ERCC6: variants seen among roughly 807,000 people sequenced by gnomAD.
ERCC6 encodes the protein DNA excision repair protein ERCC-6.
In ERCC6, 116 loss-of-function variants were observed where a neutral mutation model predicts 158.7. That is an observed-to-expected ratio of 0.73 (90% CI 0.63 to 0.85). The LOEUF (loss-of-function observed/expected upper bound fraction) is 0.85, where lower values mean the gene tolerates loss of function less well. ERCC6 is among the 40% of genes least tolerant of loss of function. The pLI, the probability that ERCC6 is intolerant of heterozygous loss-of-function variation, is 0.00. For synonymous variants in ERCC6, 678 were observed against 659.3 expected (o/e 1.03, Z -0.43); for missense variants, 1,698 against 1,799.4 (o/e 0.94, Z 1.02).
chr10:49,539,193 G>T (rs1490230457), upstream of ERCC6, among the ~76,000 whole-genome samples: 1 of 152,270 alleles, frequency 6.6e-6, no homozygotes. Context: ...GGGCTCAGCA[G>T]CGCCTTTCTA....
chr10:49,470,158 T>C, intron 18 of ERCC6, 24 bp downstream of exon 18: 6 of 1,607,178 alleles, frequency 3.7e-6, no homozygotes, highest in Non-Finnish European at 5.1e-6. Context: ...AGCATCCCTG[T>C]GGCAAACGTA....
intron 3 of ERCC6, among the ~76,000 whole-genome samples, chr10:49,530,302 G>C (rs1188865887): frequency 6.6e-6 from 1 of 152,178 alleles, no homozygotes; most frequent in African/African-American, 2.4e-5. Flanking sequence ...TTTGTGATGG[G>C]TTTATCAGGG....
Position 49,473,595 on chromosome 10 carries a change from G to T in ERCC6, c.2599-8C>A. 6.6e-7 allele frequency: 1 copy of T among 1,525,100 alleles called. No individual in the cohort carries two copies. Among genetic ancestry groups the T allele is most frequent in the Non-Finnish European group, 9.1e-7 (1 of 1,098,736 alleles). 94.5% of individuals were successfully genotyped at this position (1,525,100 alleles called of 1,614,324 possible). On this transcript the variant is annotated splice_polypyrimidine_tract_variant and splice_region_variant and intron_variant, in intron 13 of 20. Transcript: ENST00000355832. ...TTCAAGTATGTCCAGCATCTGTTTG[G>T]AGGTGGGGGATAGGAGTTTGCAAAG...
At chr10:49,453,770 G>GTT (rs59726219), downstream of ERCC6, among the ~76,000 whole-genome samples, 561 of 151,944 alleles carry the variant, frequency 3.7e-3, 3 homozygotes, top group African/African-American at 0.013. Context: ...TTGGTTGACA[G>GTT]TTTTTTTTTC....
At chr10:49,535,767 G>A (rs545430255) in intron 1 of ERCC6, among the ~76,000 whole-genome samples, 7 of 152,296 alleles carry the variant, frequency 4.6e-5, no homozygotes, top group East Asian at 3.9e-4. Context: ...GAGGAAGAGC[G>A]TCCAGTGAAT....
chr10:49,460,325 C>G, intron 20 of ERCC6, 48 bp downstream of exon 20: 1 of 1,321,618 alleles, frequency 7.6e-7, no homozygotes, highest in South Asian at 1.2e-5. Flanking sequence ...TCACAGCATT[C>G]AATCAAGCAA....
At chr10:49,515,799 T>C (rs1191794706) in intron 5 of ERCC6, 3 of 1,614,206 alleles carry the variant, frequency 1.9e-6, no homozygotes, top group Non-Finnish European at 2.5e-6. Flanking sequence ...TTTCAGTTTC[T>C]GGGAGTAACG....
At position 49,500,553 on chromosome 10, in the gene ERCC6, C is replaced by G; in HGVS notation, c.1670G>C (p.Arg557Pro). The G allele has an allele frequency of 6.2e-7, 1 of 1,613,904 alleles. No homozygotes were observed. The highest frequency in any genetic ancestry group is 8.5e-7 in the Non-Finnish European group (1 of 1,179,872). ...GAGCACTTGCCTGTAATTTGAACCA[C>G]GAGTCCTGATCTTGCTGTAGCTCAG... ...AGLSYSKIRT[R>P]GSNYRFEGLG... Residue 557 changes from arginine to proline, a missense_variant, in exon 7 of 21, where the codon CGT (arginine) becomes CCT (proline). Transcript: ENST00000355832.
At chr10:49,526,159 A>ATATC (rs1837334517) in intron 4 of ERCC6, among the ~76,000 whole-genome samples, 4 of 123,792 alleles carry the variant, frequency 3.2e-5, no homozygotes, top group African/African-American at 6.5e-5. Flanking sequence ...ATATATATAT[A>ATATC]TATCTGGGTA....
intron 1 of ERCC6, among the ~76,000 whole-genome samples, chr10:49,534,386 C>G (rs1564448138): frequency 6.6e-6 from 1 of 152,202 alleles, no homozygotes; most frequent in Admixed American, 6.5e-5. Flanking sequence ...TTCCAGAGAA[C>G]TAGTCACACA....
intron 4 of ERCC6, 175 bp from the exon 5 acceptor site, chr10:49,524,952 T>C (rs1837277291): frequency 2.8e-6 from 4 of 1,439,114 alleles, no homozygotes; most frequent in Non-Finnish European, 9.2e-7. Flanking sequence ...TATAGCATCA[T>C]GCTATATTTA....
chr10:49,438,488 C>G, the ERCC6 span, among the ~76,000 whole-genome samples: 1 of 152,102 alleles, frequency 6.6e-6, no homozygotes, highest in Non-Finnish European at 1.5e-5. Flanking sequence ...TCAATTACTT[C>G]CCACTGGGTC....
intron 5 of ERCC6, 63 bp downstream of exon 5, chr10:49,523,970 A>C: frequency 6.3e-7 from 1 of 1,599,914 alleles, no homozygotes; most frequent in Non-Finnish European, 8.5e-7. Flanking sequence ...CTTACATATT[A>C]ATAAACCTGT....
At chr10:49,516,247 G>A in intron 5 of ERCC6, 2 of 1,614,088 alleles carry the variant, frequency 1.2e-6, no homozygotes, top group Non-Finnish European at 1.7e-6. Context: ...AACCGAATGG[G>A]CTTTCCCCGA....
intron 5 of ERCC6, chr10:49,517,182 A>T: frequency 4.0e-6 from 6 of 1,507,822 alleles, no homozygotes; most frequent in Non-Finnish European, 5.3e-6. Flanking sequence ...GTGTTCCAAA[A>T]ATGGAACATG....
Position 49,456,748 on chromosome 10 carries a change from A to C in ERCC6, c.*2067T>G, listed in dbSNP as rs1370048874. The C allele has an allele frequency of 6.6e-6, 1 of 152,250 alleles. No individual in the cohort carries two copies. Among genetic ancestry groups the C allele is most frequent in the Non-Finnish European group, 1.5e-5 (1 of 68,044 alleles). The allele number at this position is 152,250 out of a possible 1,614,324, so 9.4% of individuals were successfully genotyped here. ...GTACAAAGCTTTTAAAGTTCTAAAA[A>C]TCAGATTTTTATCTAAATGAATAAA... On this transcript the variant is annotated 3_prime_UTR_variant, in exon 21 of 21. Transcript: ENST00000355832.
At chr10:49,512,990 A>G (rs1357084013) in intron 5 of ERCC6, among the ~76,000 whole-genome samples, 7 of 152,206 alleles carry the variant, frequency 4.6e-5, no homozygotes, top group Admixed American at 4.6e-4. Flanking sequence ...TATTCATTAT[A>G]CACCCTCCTT....
intron 11 of ERCC6, among the ~76,000 whole-genome samples, chr10:49,476,878 C>T (rs1850888003): frequency 6.6e-6 from 1 of 152,178 alleles, no homozygotes; most frequent in African/African-American, 2.4e-5. Context: ...CCCACGGATG[C>T]TCATTTAGCC....
intron 1 of ERCC6, among the ~76,000 whole-genome samples, chr10:49,538,052 C>T (rs1213314847): frequency 6.6e-6 from 1 of 152,154 alleles, no homozygotes; most frequent in Non-Finnish European, 1.5e-5. Context: ...GCTGGAACAC[C>T]GAATTTTTGA....
Sources: gnomAD v4.1 joint callset for allele counts (sites outside exome capture counted in the v4.1 genomes callset) on GRCh38, gnomAD v4.1.1 for gene constraint, MANE v1.5 for transcripts, NCBI Gene and HGNC (gene_info 2026-07-23, HGNC 2026-07-21) for gene names.